The following THADA variants were observed in gnomAD, a reference collection of about 807,000 sequenced individuals.
THADA encodes tRNA (32-2'-O)-methyltransferase regulator THADA.
Under a neutral mutation model 219.8 loss-of-function variants are expected in THADA, and 213 were observed. The ratio of observed to expected loss-of-function variants is 0.97; its 90% CI spans 0.87 to 1.09. The LOEUF (loss-of-function observed/expected upper bound fraction) is 1.09. Ranked by LOEUF, THADA falls within the 50% of genes least tolerant of loss-of-function variation. The pLI, the probability that THADA is intolerant of heterozygous loss-of-function variation, is 0.00. For missense variants in THADA, 2,956 were observed against 2,311.3 expected (o/e 1.28, Z -5.72); for synonymous variants, 1,018 against 828.9 (o/e 1.23, Z -3.92).
intron 26 of THADA, among the ~76,000 whole-genome samples, chr2:43,443,897 G>A (rs551912918): frequency 1.4e-4 from 21 of 152,216 alleles, no homozygotes; most frequent in African/African-American, 4.6e-4. Flanking sequence ...CAAGAGTGGC[G>A]GTAACCTCTA....
chr2:43,522,907 C>T (rs571809499), intron 22 of THADA, among the ~76,000 whole-genome samples: 10 of 150,824 alleles, frequency 6.6e-5, no homozygotes, highest in Admixed American at 2.6e-4. Flanking sequence ...GGCAACACAG[C>T]GAGACTCCAT....
chr2:43,310,025 G>A (rs1021395694), intron 31 of THADA, among the ~76,000 whole-genome samples: 2 of 152,096 alleles, frequency 1.3e-5, no homozygotes, highest in African/African-American at 4.8e-5. Context: ...AAGTATATGT[G>A]CACTGAAAAC....
intron 22 of THADA, among the ~76,000 whole-genome samples, chr2:43,512,878 T>C (rs1690674118): frequency 6.6e-6 from 1 of 152,246 alleles, no homozygotes; most frequent in Non-Finnish European, 1.5e-5. Context: ...ATTCGTTGGA[T>C]GTCTATTACA....
At chr2:43,333,799 T>C (rs1666070870) in intron 30 of THADA, among the ~76,000 whole-genome samples, 1 of 152,186 alleles carries the variant, frequency 6.6e-6, no homozygotes, top group Admixed American at 6.5e-5. Flanking sequence ...CAAAAGGCTG[T>C]GGCCTCTTTC....
rs1278850517 is a variant in THADA at position 43,297,548 on chromosome 2, G to A, written c.4439-4335C>T. 4.3e-4 allele frequency among the ~76,000 whole-genome samples: 49 copies of A among 112,982 alleles called. 1 individual carries two copies. Among genetic ancestry groups the A allele is most frequent in the Non-Finnish European group, 2.5e-4 (14 of 55,746 alleles). The allele number at this position is 112,982 out of a possible 152,430, so 74.1% of individuals were successfully genotyped here. A position where few individuals can be genotyped will look rare whatever the true frequency, so the allele number is the denominator to read the frequency against. On this transcript the variant is annotated intron_variant, in intron 31 of 37. Transcript: ENST00000405975. Reference sequence around the variant, plus strand: ...CAGCCGTGCCGTCCGGGAGGGAGGTGGGGGGGTCAGCCCCCCGCCTGGCCA... The same window carrying A: ...CAGCCGTGCCGTCCGGGAGGGAGGTAGGGGGGTCAGCCCCCCGCCTGGCCA...
At chr2:43,570,639 A>G (rs1699189806) in intron 13 of THADA, 129 bp from the exon 14 acceptor site, 1 of 955,886 alleles carries the variant, frequency 1.0e-6, no homozygotes, top group African/African-American at 1.7e-5. Flanking sequence ...TTAATATTTT[A>G]TAATGTTTCT....
chr2:43,446,977 G>T (rs566664582), intron 26 of THADA, among the ~76,000 whole-genome samples: 1 of 152,120 alleles, frequency 6.6e-6, no homozygotes, highest in Non-Finnish European at 1.5e-5. Flanking sequence ...TTATAGCTGC[G>T]TATTAGTCCG....
chr2:43,458,436 C>T (rs942867411), intron 26 of THADA, among the ~76,000 whole-genome samples: 11 of 152,152 alleles, frequency 7.2e-5, no homozygotes, highest in African/African-American at 2.7e-4. Context: ...GCCTCAGTTT[C>T]CTCATCTATT....
At chr2:43,320,330 T>G (rs1173027969) in intron 31 of THADA, 116 bp downstream of exon 31, 2 of 672,822 alleles carry the variant, frequency 3.0e-6, no homozygotes, top group Non-Finnish European at 5.2e-6. Context: ...TTTTGATGTG[T>G]GGTTAGTCTT....
chr2:43,419,986 G>C (rs1010410530), intron 28 of THADA, among the ~76,000 whole-genome samples: 1 of 152,168 alleles, frequency 6.6e-6, no homozygotes, highest in Non-Finnish European at 1.5e-5. Context: ...CTTGGTTCAA[G>C]TGGAAGCAAA....
At chr2:43,543,118 T>C (rs2103826797) in intron 20 of THADA, among the ~76,000 whole-genome samples, 1 of 149,970 alleles carries the variant, frequency 6.7e-6, no homozygotes, top group Non-Finnish European at 1.5e-5. Context: ...AGTGAGAATA[T>C]GTGGTGTTTC....
intron 1 of THADA, among the ~76,000 whole-genome samples, chr2:43,593,941 C>G (rs1359524545): frequency 6.6e-6 from 1 of 152,120 alleles, no homozygotes; most frequent in Non-Finnish European, 1.5e-5. Flanking sequence ...CCTTAGACTT[C>G]TTGTCTTGCT....
chr2:43,410,775 T>C (rs1676188148), intron 28 of THADA, among the ~76,000 whole-genome samples: 1 of 152,174 alleles, frequency 6.6e-6, no homozygotes, highest in Admixed American at 6.5e-5. Flanking sequence ...GATGGCTATG[T>C]TCCTTACCAT....
chr2:43,546,279 T>C (rs2103848616), intron 20 of THADA, among the ~76,000 whole-genome samples: 1 of 152,186 alleles, frequency 6.6e-6, no homozygotes, highest in Non-Finnish European at 1.5e-5. Flanking sequence ...TGAGGAGAGC[T>C]TTACTTCCCA....
intron 26 of THADA, among the ~76,000 whole-genome samples, chr2:43,450,141 G>T (rs561542591): frequency 1.1e-4 from 17 of 152,242 alleles, no homozygotes; most frequent in African/African-American, 3.9e-4. Flanking sequence ...TAGGATCATT[G>T]TAACTCTGGT....
chr2:43,537,205 T>C (rs1359407628), intron 21 of THADA, among the ~76,000 whole-genome samples: 1 of 152,260 alleles, frequency 6.6e-6, no homozygotes, highest in African/African-American at 2.4e-5. Flanking sequence ...TCAGATATCA[T>C]CTTACCAGAA....
intron 28 of THADA, among the ~76,000 whole-genome samples, chr2:43,420,624 G>C (rs1259676674): frequency 6.6e-6 from 1 of 152,134 alleles, no homozygotes; most frequent in Non-Finnish European, 1.5e-5. Context: ...TTTCTAGTTT[G>C]CTTTGTCAAT....
At chr2:43,467,320 C>T (rs181087259) in intron 26 of THADA, among the ~76,000 whole-genome samples, 168 of 151,978 alleles carry the variant, frequency 1.1e-3, no homozygotes, top group Admixed American at 2.2e-3. Flanking sequence ...CTCTGCTTCA[C>T]GCTAGATATG....
chr2:43,423,160 G>A (rs531830005), intron 28 of THADA, among the ~76,000 whole-genome samples: 4 of 136,364 alleles, frequency 2.9e-5, no homozygotes, highest in South Asian at 4.9e-4. Context: ...CTGAATTTGT[G>A]TTTGTCAGTC....
Sources: allele counts gnomAD v4.1 joint callset (sites outside exome capture counted in the v4.1 genomes callset), GRCh38; gene constraint gnomAD v4.1.1; transcripts MANE v1.5; gene names NCBI Gene and HGNC (gene_info 2026-07-23, HGNC 2026-07-21).